The following CAMKMT variants were observed in gnomAD, a reference collection of about 807,000 sequenced individuals.
CAMKMT encodes the protein calmodulin-lysine N-methyltransferase.
CAMKMT carries 53 observed loss-of-function variants against 48.0 expected under a neutral mutation model. The observed-to-expected ratio is 1.10, with a 90% CI of 0.89 to 1.39. The LOEUF (loss-of-function observed/expected upper bound fraction) is 1.39, where lower values mean the gene tolerates loss of function less well. Among genes scored for constraint, CAMKMT ranks in the 40% most tolerant of loss-of-function variants. CAMKMT has a pLI of 0.00. For synonymous variants in CAMKMT, 165 were observed against 152.3 expected, an observed-to-expected ratio of 1.08 and a Z score of -0.61; for missense variants, 428 against 402.7, an observed-to-expected ratio of 1.06 and a Z score of -0.54.
intron 3 of CAMKMT, among the ~76,000 whole-genome samples, chr2:44,447,375 T>C (rs541144938): frequency 6.6e-6 from 1 of 152,314 alleles, no homozygotes; most frequent in Non-Finnish European, 1.5e-5. Context: ...ATACCCCTCC[T>C]CCAAATATTC....
chr2:44,628,430 T>C (rs1478258131), intron 3 of CAMKMT, among the ~76,000 whole-genome samples: 3 of 152,146 alleles, frequency 2.0e-5, no homozygotes, highest in African/African-American at 7.2e-5. Flanking sequence ...TTCTAATTAC[T>C]TGGGGTTTAA....
At chr2:44,413,011 G>A (rs1477409394) in intron 3 of CAMKMT, among the ~76,000 whole-genome samples, 1 of 151,910 alleles carries the variant, frequency 6.6e-6, no homozygotes, top group Non-Finnish European at 1.5e-5. Flanking sequence ...GGGAAGCAGA[G>A]GTTGCAGGGA....
At position 44,434,297 on chromosome 2, in the gene CAMKMT, TTATC is replaced by T. The variant is rs150203614; in HGVS notation, c.376+43994_376+43997del. Among the ~76,000 whole-genome samples, 475 of 152,248 alleles carry T rather than the reference TTATC, an allele frequency of 3.1e-3. 2 individuals carry two copies. Among genetic ancestry groups the T allele is most frequent in the African/African-American group, 0.011 (441 of 41,522 alleles). ...TTTAGACTTTTAAAAAACCATCTGT[TTATC>T]TGAAGCACAGGAAGTGCATCCGTCT... On this transcript the variant is annotated intron_variant, in intron 3 of 10. Coordinates refer to ENST00000378494, the MANE Select transcript of CAMKMT (RefSeq NM_024766.5).
intron 3 of CAMKMT, among the ~76,000 whole-genome samples, chr2:44,418,879 A>G (rs1683743712): frequency 6.6e-6 from 1 of 152,154 alleles, no homozygotes; most frequent in South Asian, 2.1e-4. Context: ...TAAACCTGAT[A>G]TGGTTGTCTC....
intron 3 of CAMKMT, among the ~76,000 whole-genome samples, chr2:44,593,737 G>C (rs955332823): frequency 1.3e-5 from 2 of 149,742 alleles, no homozygotes; most frequent in African/African-American, 2.5e-5. Context: ...AAGTCTCCCT[G>C]GGGAATTTTT....
chr2:44,662,245 TG>T (rs1674720042), intron 3 of CAMKMT, among the ~76,000 whole-genome samples: 1 of 152,238 alleles, frequency 6.6e-6, no homozygotes, highest in Non-Finnish European at 1.5e-5. Context: ...TCTCTCCTGT[TG>T]TCCTGTTCCA....
intron 3 of CAMKMT, among the ~76,000 whole-genome samples, chr2:44,688,481 T>C (rs1368862131): frequency 3.3e-5 from 5 of 151,262 alleles, no homozygotes; most frequent in African/African-American, 7.3e-5. Context: ...CATATATATG[T>C]GTATATATAC....
intron 10 of CAMKMT, among the ~76,000 whole-genome samples, chr2:44,769,578 C>T (rs1681014547): frequency 6.6e-6 from 1 of 151,964 alleles, no homozygotes; most frequent in Admixed American, 6.6e-5. Context: ...TTACAGCTGG[C>T]TTGATGCTAG....
At chr2:44,605,828 T>G (rs1226059977) in intron 3 of CAMKMT, among the ~76,000 whole-genome samples, 1 of 152,162 alleles carries the variant, frequency 6.6e-6, no homozygotes, top group African/African-American at 2.4e-5. Context: ...ATGTAGAGAT[T>G]CCTAAGAAAT....
chr2:44,741,146 T>C (rs1679654965), intron 7 of CAMKMT, among the ~76,000 whole-genome samples: 2 of 152,248 alleles, frequency 1.3e-5, no homozygotes, highest in African/African-American at 4.8e-5. Context: ...AATGCCTTTG[T>C]GTTTTTAATC....
At chr2:44,595,540 G>A (rs1670600217) in intron 3 of CAMKMT, among the ~76,000 whole-genome samples, 1 of 152,192 alleles carries the variant, frequency 6.6e-6, no homozygotes, top group Non-Finnish European at 1.5e-5. Context: ...TGGATAGGAA[G>A]AATCAATATT....
chr2:44,521,323 G>A (rs915928090), intron 3 of CAMKMT, among the ~76,000 whole-genome samples: 1 of 151,622 alleles, frequency 6.6e-6, no homozygotes, highest in Admixed American at 6.6e-5. Context: ...TCTGTTGCCA[G>A]GCTGGAGTGC....
At chr2:44,400,685 C>G (rs991455485) in intron 3 of CAMKMT, 11 of 151,702 alleles carry the variant, frequency 7.3e-5, no homozygotes, top group African/African-American at 2.4e-4. Context: ...CCCATACCAT[C>G]CATGAATGGC....
intron 3 of CAMKMT, among the ~76,000 whole-genome samples, chr2:44,428,762 C>T (rs1276870167): frequency 1.3e-5 from 2 of 152,160 alleles, no homozygotes; most frequent in African/African-American, 2.4e-5. Context: ...TATGCAGTCA[C>T]GTTAACCATA....
At chr2:44,629,950 C>T (rs1672720331) in intron 3 of CAMKMT, among the ~76,000 whole-genome samples, 2 of 151,872 alleles carry the variant, frequency 1.3e-5, no homozygotes, top group South Asian at 4.2e-4. Context: ...CAATCCTAAG[C>T]CAAAAGAACA....
At chr2:44,736,315 C>T (rs1292130581) in intron 7 of CAMKMT, among the ~76,000 whole-genome samples, 1 of 151,892 alleles carries the variant, frequency 6.6e-6, no homozygotes, top group African/African-American at 2.4e-5. Flanking sequence ...GTTTTTTATT[C>T]CTTTCAGTAC....
intron 3 of CAMKMT, among the ~76,000 whole-genome samples, chr2:44,609,856 G>A (rs1363100211): frequency 1.3e-5 from 2 of 152,176 alleles, no homozygotes; most frequent in Non-Finnish European, 2.9e-5. Flanking sequence ...GTGACCCACT[G>A]CTACTGATGG....
chr2:44,530,383 A>C (rs1160518295), intron 3 of CAMKMT, among the ~76,000 whole-genome samples: 1 of 152,200 alleles, frequency 6.6e-6, no homozygotes, highest in East Asian at 1.9e-4. Context: ...TTGTTGACAA[A>C]TGTGTTAATC....
intron 3 of CAMKMT, among the ~76,000 whole-genome samples, chr2:44,444,346 G>T (rs1413913544): frequency 6.6e-6 from 1 of 152,194 alleles, no homozygotes; most frequent in Non-Finnish European, 1.5e-5. Flanking sequence ...TCAAGATCAT[G>T]TAAAATTTTG....
Sources: allele counts gnomAD v4.1 joint callset (sites outside exome capture counted in the v4.1 genomes callset), GRCh38; gene constraint gnomAD v4.1.1; transcripts MANE v1.5; gene names NCBI Gene and HGNC (gene_info 2026-07-23, HGNC 2026-07-21).